Variants in USP24 observed in about 807,000 individuals in gnomAD.
The protein encoded by USP24 is ubiquitin specific peptidase 24, also known as ubiquitin carboxyl-terminal hydrolase 24.
USP24 carries 97 observed loss-of-function variants against 361.6 expected under a neutral mutation model. The ratio of observed to expected loss-of-function variants is 0.27; its 90% CI spans 0.23 to 0.32. USP24 has a LOEUF of 0.32. Among genes scored for constraint, USP24 ranks in the 10% least tolerant of loss-of-function variants. USP24 has a pLI of 1.00. For synonymous variants in USP24, 1,098 were observed against 1,124.6 expected (o/e 0.98, Z 0.47); for missense variants, 2,353 against 3,165.6 (o/e 0.74, Z 6.16).
chr1:55,198,458 C>T (rs1385173892), intron 1 of USP24, among the ~76,000 whole-genome samples: 1 of 151,798 alleles, frequency 6.6e-6, no homozygotes, highest in Non-Finnish European at 1.5e-5. Context: ...GTTTTAAGTC[C>T]CACCATGAGC....
chr1:55,147,396 T>C (rs569800579), intron 18 of USP24, among the ~76,000 whole-genome samples: 10 of 152,298 alleles, frequency 6.6e-5, no homozygotes, highest in South Asian at 2.1e-4. Context: ...ATCAATTGAT[T>C]TGAAAAACAA....
chr1:55,125,970 C>G (rs1486502881), intron 32 of USP24, among the ~76,000 whole-genome samples: 1 of 152,168 alleles, frequency 6.6e-6, no homozygotes, highest in African/African-American at 2.4e-5. Flanking sequence ...TGACTCTCCA[C>G]CTTCCAAACC....
At position 55,101,553 on chromosome 1, in the gene USP24, C is replaced by T. The variant is rs755097099; in HGVS notation, c.5145+31G>A. On this transcript the variant is annotated intron_variant, in intron 43 of 67. Coordinates refer to ENST00000294383, the MANE Select transcript of USP24 (RefSeq NM_015306.3). ...TTCAAGTAACGCACGTATTATCTATCGTACCAAAAAGGATAGAAAAAAGAA... is the reference window on the plus strand; with the variant it reads ...TTCAAGTAACGCACGTATTATCTATTGTACCAAAAAGGATAGAAAAAAGAA... 11 of 1,578,512 alleles carry T rather than the reference C, an allele frequency of 7.0e-6. No individual in the cohort carries two copies. In the East Asian group the frequency reaches 2.1e-4, roughly 30 times the overall value.
At position 55,093,926 on chromosome 1, in the gene USP24, A is replaced by G; in HGVS notation, c.6354+11T>C. The G allele has an allele frequency of 6.2e-7, 1 of 1,612,508 alleles. No homozygotes were observed. The highest frequency in any genetic ancestry group is 8.5e-7 in the Non-Finnish European group (1 of 1,179,266). ...GATATTCCCCCTTAGAATTTTTTAT[A>G]TGGTTCTTACCTGGTATATTCGAGC... On this transcript the variant is annotated intron_variant, in intron 52 of 67. Coordinates refer to ENST00000294383, the MANE Select transcript of USP24 (RefSeq NM_015306.3).
chr1:55,178,716 TAA>T (rs1177764644), intron 1 of USP24, among the ~76,000 whole-genome samples: 1 of 124,824 alleles, frequency 8.0e-6, no homozygotes, highest in Non-Finnish European at 1.6e-5. Context: ...AATAAATAAA[TAA>T]ATAAATAAAT....
At chr1:55,214,597 C>G (rs934357904) in intron 1 of USP24, among the ~76,000 whole-genome samples, 193 bp downstream of exon 1, 2 of 152,098 alleles carry the variant, frequency 1.3e-5, no homozygotes, top group African/African-American at 4.8e-5. Context: ...GGTCCCTCTC[C>G]CCACTTACCC....
At position 55,132,538 on chromosome 1, in the gene USP24, T is replaced by A. The variant is rs1646622278; in HGVS notation, c.3537+7A>T. The stretch of plus-strand genomic sequence containing the variant: ...AAAATGAAATGGAAAGAAATTAGGT[T>A]TCTTACTTCTAAGTTGTAGAGCACT... On this transcript the variant is annotated splice_region_variant and intron_variant, in intron 31 of 67. Coordinates refer to ENST00000294383, the MANE Select transcript of USP24 (RefSeq NM_015306.3). The A allele has an allele frequency of 6.2e-7, 1 of 1,603,036 alleles. No individual in the cohort carries two copies. Among genetic ancestry groups the A allele is most frequent in the East Asian group, 2.2e-5 (1 of 44,696 alleles).
At chr1:55,152,385 T>C (rs1180061832) in intron 16 of USP24, among the ~76,000 whole-genome samples, 1 of 152,206 alleles carries the variant, frequency 6.6e-6, no homozygotes, top group African/African-American at 2.4e-5. Context: ...AATGTTTAGC[T>C]GTAACAAGGA....
chr1:55,166,955 A>G (rs1457250088), intron 5 of USP24, among the ~76,000 whole-genome samples: 3 of 152,248 alleles, frequency 2.0e-5, no homozygotes, highest in African/African-American at 7.2e-5. Flanking sequence ...CATAAGAAGC[A>G]GTAAATCAGC....
intron 54 of USP24, among the ~76,000 whole-genome samples, chr1:55,090,998 C>T (rs1438851716): frequency 2.0e-5 from 3 of 152,262 alleles, no homozygotes; most frequent in South Asian, 2.1e-4. Context: ...GTAGAAGAAT[C>T]GCTTGAACCC....
intron 16 of USP24, among the ~76,000 whole-genome samples, chr1:55,150,027 A>G (rs896469993): frequency 2.6e-5 from 4 of 152,202 alleles, no homozygotes; most frequent in African/African-American, 9.6e-5. Flanking sequence ...ACTCAGCACT[A>G]AATGTCTCTC....
rs570008483 is a variant in USP24, at chr1:55,198,734, C to T, written c.324+16056G>A. On this transcript the variant is annotated intron_variant, in intron 1 of 67. Transcript: ENST00000294383. ...TTTACCTACAGATCCAAGATCTCTT[C>T]TGGCTCTAAAAATGCTAAAATTCTA... Among the ~76,000 whole-genome samples the T allele has an allele frequency of 2.2e-4, 33 of 152,296 alleles. 1 individual carries two copies. The South Asian group carries it at 6.4e-3, about 30-fold the overall frequency.
intron 1 of USP24, among the ~76,000 whole-genome samples, chr1:55,179,452 C>G (rs1643898921): frequency 6.6e-6 from 1 of 152,204 alleles, no homozygotes; most frequent in Non-Finnish European, 1.5e-5. Flanking sequence ...ATTTCTATCT[C>G]CAGCTTAGAC....
chr1:55,166,086 A>G (rs1392075564), intron 6 of USP24, 136 bp from the exon 7 acceptor site: 4 of 641,682 alleles, frequency 6.2e-6, no homozygotes, highest in Non-Finnish European at 9.9e-6. Context: ...ACAATGTGAA[A>G]TAAGCACATC....
chr1:55,146,819 C>T, intron 19 of USP24, 110 bp downstream of exon 19: 1 of 1,324,130 alleles, frequency 7.6e-7, no homozygotes, highest in Non-Finnish European at 1.0e-6. Flanking sequence ...TTGGCCCATA[C>T]TATTTATGCT....
intron 1 of USP24, among the ~76,000 whole-genome samples, chr1:55,204,317 T>TA (rs1309418366): frequency 1.3e-5 from 2 of 150,258 alleles, no homozygotes; most frequent in African/African-American, 2.5e-5. Context: ...CTGATACACT[T>TA]ACGCTTTTAG....
At position 55,075,654 on chromosome 1, in the gene USP24, C is replaced by T; in HGVS notation, c.7381-131G>A. 2.8e-5 allele frequency: 14 copies of T among 505,564 alleles called. No homozygotes were observed. The South Asian group carries it at 3.1e-4, about 11-fold the overall frequency. The allele number at this position is 505,564 out of a possible 1,614,324, so 31.3% of individuals were successfully genotyped here. ...ACAACAACAACAACAACAACAACAA[C>T]AACAACAACAACACCACCACCACCA... On this transcript the variant is annotated intron_variant, in intron 62 of 67. Coordinates refer to ENST00000294383, the MANE Select transcript of USP24 (RefSeq NM_015306.3).
At chr1:55,139,726 A>AT (rs1021546417) in intron 24 of USP24, among the ~76,000 whole-genome samples, 1 of 152,202 alleles carries the variant, frequency 6.6e-6, no homozygotes, top group Non-Finnish European at 1.5e-5. Context: ...AGGTACTACC[A>AT]TTTTTTAACA....
intron 5 of USP24, among the ~76,000 whole-genome samples, chr1:55,169,595 A>C (rs1310019953): frequency 6.6e-6 from 1 of 152,188 alleles, no homozygotes; most frequent in Non-Finnish European, 1.5e-5. Flanking sequence ...AGAGACTTCT[A>C]ATAGAAGAAC....
Sources: allele counts gnomAD v4.1 joint callset (sites outside exome capture counted in the v4.1 genomes callset), GRCh38; gene constraint gnomAD v4.1.1; transcripts MANE v1.5; gene names NCBI Gene and HGNC (gene_info 2026-07-23, HGNC 2026-07-21).